RTF2: variants seen among roughly 807,000 people sequenced by gnomAD.
The protein encoded by RTF2 is UPF0549 protein C20orf43.
In RTF2, 18 loss-of-function variants were observed where a neutral mutation model predicts 38.0. The ratio of observed to expected loss-of-function variants is 0.47; its 90% CI spans 0.33 to 0.70. The LOEUF (loss-of-function observed/expected upper bound fraction) is 0.70, where lower values mean the gene tolerates loss of function less well. Ranked by LOEUF, RTF2 falls within the 30% of genes least tolerant of loss-of-function variation. The probability of loss-of-function intolerance (pLI) is 0.02; values close to 1 mark genes in which losing one functional copy is unlikely to be tolerated. For missense variants in RTF2, 311 were observed against 379.6 expected (o/e 0.82, Z 1.50); for synonymous variants, 126 against 137.1 (o/e 0.92, Z 0.57).
At chr20:56,517,856 A>G (rs1439792248) in intron 8 of RTF2, among the ~76,000 whole-genome samples, 4 of 152,152 alleles carry the variant, frequency 2.6e-5, no homozygotes, top group Non-Finnish European at 5.9e-5. Flanking sequence ...AATCTAAGTC[A>G]TTCACGGGGC....
rs548721487 is a variant in RTF2, at chr20:56,474,727, G to A, written c.214G>A (p.Glu72Lys). The A allele has an allele frequency of 3.7e-6, 6 of 1,612,084 alleles. No individual in the cohort carries two copies. The African/African-American group carries it at 8.0e-5, about 22-fold the overall frequency. Residue 72 changes from glutamate to lysine, a missense_variant, in exon 3 of 9, where the codon GAA becomes AAA. Physicochemically the swap from Glu to Lys is moderately conservative, Grantham distance 56 (BLOSUM62 1). Transcript: ENST00000357348. ...TGAATTTCTCTTGGACAAATCTGCA[G>A]AAAAGGCTCTTGGGAAGGCAGCATC... ...VIEFLLDKSA[E>K]KALGKAASHI...
chr20:56,516,135 T>C (rs1308228936), intron 6 of RTF2: 2 of 152,248 alleles, frequency 1.3e-5, no homozygotes, highest in Non-Finnish European at 2.9e-5. Context: ...ATGTTAGAAA[T>C]TCAAGGCCTG....
chr20:56,513,486 A>G (rs544202105), intron 6 of RTF2, 58 bp downstream of exon 6: 9 of 1,547,712 alleles, frequency 5.8e-6, no homozygotes, highest in Middle Eastern at 1.7e-4. Context: ...GCCGACTGCA[A>G]ATCACTGAAC....
Position 56,518,461 on chromosome 20 carries a change from T to C in RTF2, c.*196T>C. On this transcript the variant is annotated 3_prime_UTR_variant, in exon 9 of 9. Coordinates refer to ENST00000357348, the MANE Select transcript of RTF2 (RefSeq NM_016407.5). ...GTTCCAGGGGGGACATGGGAGGGGC[T>C]GCACAGTGGCCCGAGGTCATGCTTG... 2 of 524,276 alleles carry C rather than the reference T, an allele frequency of 3.8e-6. No homozygotes were observed. The highest frequency in any genetic ancestry group is 6.5e-6 in the Non-Finnish European group (2 of 305,490). The allele number at this position is 524,276 out of a possible 1,614,324, so 32.5% of individuals were successfully genotyped here. A position where few individuals can be genotyped will look rare whatever the true frequency, so the allele number is the denominator to read the frequency against.
At chr20:56,477,194 G>A in intron 4 of RTF2, 70 bp downstream of exon 4, 6 of 1,570,188 alleles carry the variant, frequency 3.8e-6, no homozygotes, top group Non-Finnish European at 5.2e-6. Flanking sequence ...TGGCAGTGGT[G>A]CCGGAGCTTA....
chr20:56,498,752 T>C (rs7265174), intron 5 of RTF2, among the ~76,000 whole-genome samples: 3,610 of 152,234 alleles, frequency 0.024, 149 homozygotes, highest in African/African-American at 0.082. Context: ...TGTTAGAAAG[T>C]ATTTGTTTTT....
At chr20:56,468,836 A>G in intron 1 of RTF2, 70 bp downstream of exon 1, 1 of 1,339,968 alleles carries the variant, frequency 7.5e-7, no homozygotes, top group Non-Finnish European at 1.0e-6. Flanking sequence ...AAACGAGAGG[A>G]AGTAAGAAGG....
At chr20:56,495,270 C>T in intron 5 of RTF2, 1 of 1,551,512 alleles carries the variant, frequency 6.4e-7, no homozygotes, top group Non-Finnish European at 8.7e-7. Context: ...TCCTTCCCAG[C>T]CAGCGTTTGG....
chr20:56,470,720 ACATGGAGTTAATAATCCAT>A (rs1178087800), intron 1 of RTF2: 2 of 455,274 alleles, frequency 4.4e-6, no homozygotes, highest in Non-Finnish European at 8.8e-6. Flanking sequence ...GAGGAATTGG[ACATGGAGTTAATAATCCAT>A]CATGCCTACG....
intron 5 of RTF2, among the ~76,000 whole-genome samples, chr20:56,499,277 A>G (rs371514853): frequency 9.7e-4 from 145 of 150,052 alleles, no homozygotes; most frequent in African/African-American, 3.4e-3. Context: ...GCTCACCACA[A>G]TCTCCGCCTC....
Position 56,468,877 on chromosome 20 carries a change from G to A in RTF2, c.69+111G>A, listed in dbSNP as rs1030898567. 1.5e-5 allele frequency: 13 copies of A among 844,760 alleles called. No homozygotes were observed. In the African/African-American group the frequency reaches 1.7e-4, roughly 11 times the overall value. The allele number at this position is 844,760 out of a possible 1,614,324, so 52.3% of individuals were successfully genotyped here. A position where few individuals can be genotyped will look rare whatever the true frequency, so the allele number is the denominator to read the frequency against. On this transcript the variant is annotated intron_variant, in intron 1 of 8. Transcript: ENST00000357348. ...CCAGCGGAGTTCCAGACCTGGCTGCGGTCTTTTATTCCATTCAGAGGACTC... is the reference window on the plus strand; with the variant it reads ...CCAGCGGAGTTCCAGACCTGGCTGCAGTCTTTTATTCCATTCAGAGGACTC...
intron 5 of RTF2, among the ~76,000 whole-genome samples, chr20:56,488,509 C>T (rs572962554): frequency 6.6e-6 from 1 of 152,234 alleles, no homozygotes; most frequent in East Asian, 1.9e-4. Context: ...TATATATACT[C>T]ACACTGTCTA....
chr20:56,476,242 T>TTA (rs1009541433), intron 3 of RTF2, among the ~76,000 whole-genome samples: 46 of 152,298 alleles, frequency 3.0e-4, no homozygotes, highest in African/African-American at 1.1e-3. Flanking sequence ...TTCAATGATT[T>TTA]TATATATATA....
intron 5 of RTF2, chr20:56,496,683 C>G: frequency 6.5e-7 from 1 of 1,546,696 alleles, no homozygotes; most frequent in Non-Finnish European, 8.7e-7. Context: ...CTCTGGGCTG[C>G]GGATGTCTTT....
chr20:56,474,556 T>G (rs1982139761), intron 2 of RTF2, 122 bp from the exon 3 acceptor site: 1 of 577,570 alleles, frequency 1.7e-6, no homozygotes, highest in Non-Finnish European at 3.0e-6. Context: ...TACTTTTTAA[T>G]AATTCAGGGT....
At chr20:56,502,613 A>G (rs895714905) in intron 5 of RTF2, among the ~76,000 whole-genome samples, 2 of 152,226 alleles carry the variant, frequency 1.3e-5, no homozygotes, top group Non-Finnish European at 2.9e-5. Context: ...GGAAATTCCT[A>G]TGAGTAAATA....
intron 5 of RTF2, among the ~76,000 whole-genome samples, chr20:56,504,833 G>C (rs890857777): frequency 2.6e-5 from 4 of 152,210 alleles, no homozygotes; most frequent in African/African-American, 9.6e-5. Flanking sequence ...ACGCCTAAGC[G>C]GGATGTGTGG....
intron 5 of RTF2, among the ~76,000 whole-genome samples, chr20:56,489,355 C>T (rs1315763612): frequency 6.6e-6 from 1 of 151,984 alleles, no homozygotes; most frequent in East Asian, 1.9e-4. Flanking sequence ...TGAGCCACCA[C>T]GCCTGGCCAT....
intron 3 of RTF2, 61 bp downstream of exon 3, chr20:56,474,832 A>G: frequency 9.1e-7 from 1 of 1,104,572 alleles, no homozygotes; most frequent in Non-Finnish European, 1.3e-6. Flanking sequence ...TTTATTTTAT[A>G]GAATTTATAC....
Sources: gnomAD v4.1 joint callset for allele counts (sites outside exome capture counted in the v4.1 genomes callset) on GRCh38, gnomAD v4.1.1 for gene constraint, MANE v1.5 for transcripts, NCBI Gene and HGNC (gene_info 2026-07-23, HGNC 2026-07-21) for gene names.